Variants in ANO1 observed in about 807,000 individuals in gnomAD.
ANO1 encodes the protein anoctamin-1.
In ANO1, 59 loss-of-function variants were observed where a neutral mutation model predicts 124.0. That is an observed-to-expected ratio of 0.48 (90% CI 0.39 to 0.59). The LOEUF is 0.59. Ranked by LOEUF, ANO1 falls within the 20% of genes least tolerant of loss-of-function variation. The probability of loss-of-function intolerance (pLI) is 0.00; values close to 1 mark genes in which losing one functional copy is unlikely to be tolerated. For synonymous variants in ANO1, 529 were observed against 532.0 expected (o/e 0.99, Z 0.08); for missense variants, 1,059 against 1,328.0 (o/e 0.80, Z 3.15).
At chr11:69,985,608 C>T (rs1203601935), upstream of ANO1, among the ~76,000 whole-genome samples, 1 of 152,216 alleles carries the variant, frequency 6.6e-6, no homozygotes, top group African/African-American at 2.4e-5. Flanking sequence ...AGTCAACACC[C>T]CTTCCCTGGG....
the ANO1 span, among the ~76,000 whole-genome samples, chr11:69,966,873 G>A: frequency 2.0e-5 from 3 of 152,176 alleles, no homozygotes; most frequent in Non-Finnish European, 4.4e-5. Flanking sequence ...GTGAGTTGAT[G>A]CAAGCACCTT....
intron 1 of ANO1, among the ~76,000 whole-genome samples, chr11:70,080,728 A>G (rs1000932867): frequency 6.6e-6 from 1 of 152,212 alleles, no homozygotes; most frequent in Non-Finnish European, 1.5e-5. Context: ...GGTTCCACAC[A>G]ACACTTCCGT....
At chr11:70,164,022 C>T (rs2048157932) in intron 19 of ANO1, among the ~76,000 whole-genome samples, 1 of 150,756 alleles carries the variant, frequency 6.6e-6, no homozygotes, top group Admixed American at 6.6e-5. Flanking sequence ...AAATGCTTGT[C>T]TCTTTACCCT....
In ANO1 at chr11:69,998,933, A is replaced by G. The variant is rs148771843; in HGVS notation, c.58+12767A>G. Among the ~76,000 whole-genome samples the G allele has an allele frequency of 3.0e-3, 454 of 151,928 alleles. 1 individual carries two copies. The highest frequency in any genetic ancestry group is 5.3e-3 in the Non-Finnish European group (361 of 67,978). ...ATTGCACTGCAGCCTGGGCAACAAG[A>G]GCAAAACTCTGTTTGAAAGAATAAA... is the stretch of plus-strand genomic sequence containing the variant. On this transcript the variant is annotated intron_variant, in intron 1 of 27. Transcript: ENST00000531349.
At chr11:70,075,753 G>A (rs1217688849), upstream of ANO1, among the ~76,000 whole-genome samples, 1 of 152,216 alleles carries the variant, frequency 6.6e-6, no homozygotes, top group Non-Finnish European at 1.5e-5. Context: ...CCACGTATAA[G>A]CAGTTAGTGA....
intron 22 of ANO1, among the ~76,000 whole-genome samples, chr11:70,172,120 A>T (rs1358139324): frequency 4.4e-5 from 2 of 45,948 alleles, no homozygotes; most frequent in Non-Finnish European, 7.9e-5. Flanking sequence ...AACCTGTCTT[A>T]AAAAAAAAAA....
intron 2 of ANO1, among the ~76,000 whole-genome samples, chr11:70,098,131 C>A (rs78467058): frequency 0.1 from 15,534 of 152,274 alleles, 1,007 homozygotes; most frequent in African/African-American, 0.18. Flanking sequence ...ACAGCAGCCC[C>A]GCGTCCTCGT....
intron 1 of ANO1, among the ~76,000 whole-genome samples, chr11:70,070,756 T>C (rs1383789518): frequency 6.6e-6 from 1 of 152,204 alleles, no homozygotes; most frequent in African/African-American, 2.4e-5. Flanking sequence ...AGCAGGTGGA[T>C]GAGTGGACAA....
At chr11:70,096,678 T>C (rs996262102) in intron 2 of ANO1, among the ~76,000 whole-genome samples, 2 of 151,922 alleles carry the variant, frequency 1.3e-5, no homozygotes, top group African/African-American at 4.8e-5. Context: ...CTGGCCAACA[T>C]AGTGAAACCC....
intron 25 of ANO1, among the ~76,000 whole-genome samples, chr11:70,185,963 G>A (rs1311373731): frequency 3.9e-5 from 6 of 152,150 alleles, no homozygotes; most frequent in Admixed American, 3.9e-4. Flanking sequence ...ACTCGCTGGT[G>A]GGTTTAATCC....
intron 1 of ANO1, among the ~76,000 whole-genome samples, chr11:70,017,496 T>C (rs1591036887): frequency 7.5e-6 from 1 of 134,006 alleles, no homozygotes; most frequent in African/African-American, 2.8e-5. Context: ...CCTCCTTTAC[T>C]TCCCTCCCTC....
chr11:70,074,660 T>A (rs1206098727), upstream of ANO1, among the ~76,000 whole-genome samples: 3 of 152,170 alleles, frequency 2.0e-5, no homozygotes, highest in Non-Finnish European at 4.4e-5. Flanking sequence ...GCAGTGGTGC[T>A]CAACTGGGGC....
chr11:70,138,032 ACTT>A (rs1422806782), intron 11 of ANO1, among the ~76,000 whole-genome samples: 1 of 147,458 alleles, frequency 6.8e-6, no homozygotes, highest in Non-Finnish European at 1.5e-5. Context: ...CCATTCAGTG[ACTT>A]CTTCTCCTTC....
chr11:70,028,294 C>G (rs984078880), intron 1 of ANO1, among the ~76,000 whole-genome samples: 1 of 152,172 alleles, frequency 6.6e-6, no homozygotes, highest in Non-Finnish European at 1.5e-5. Flanking sequence ...CTCCACCAGG[C>G]GCCTTTCTCT....
intron 5 of ANO1, among the ~76,000 whole-genome samples, chr11:70,106,463 A>G (rs899183938): frequency 3.9e-5 from 6 of 152,134 alleles, no homozygotes; most frequent in Admixed American, 6.5e-5. Flanking sequence ...CTGGGAGGAG[A>G]CAGTCAGGGT....
At chr11:70,156,012 C>T (rs1055380836) in intron 15 of ANO1, 24 bp downstream of exon 15, 37 of 1,495,692 alleles carry the variant, frequency 2.5e-5, no homozygotes, top group Admixed American at 2.1e-4. Flanking sequence ...TTGCGGGCAG[C>T]GCGCGTCTTG....
intron 1 of ANO1, among the ~76,000 whole-genome samples, chr11:70,047,080 CAAAAA>C (rs10660510): frequency 1.4e-5 from 1 of 73,900 alleles, no homozygotes; most frequent in African/African-American, 4.1e-5. Context: ...GACTCTGTCT[CAAAAA>C]AAAAAAAAAA....
At chr11:70,010,631 C>A (rs1856585026) in intron 1 of ANO1, among the ~76,000 whole-genome samples, 1 of 152,102 alleles carries the variant, frequency 6.6e-6, no homozygotes. Flanking sequence ...GCAGAGAGGC[C>A]TGGGGCATCA....
chr11:70,071,525 T>C (rs974540190), intron 1 of ANO1, among the ~76,000 whole-genome samples: 1 of 152,248 alleles, frequency 6.6e-6, no homozygotes, highest in Admixed American at 6.5e-5. Context: ...AAACGTGGCT[T>C]TTCTGAAATA....
Sources: allele counts gnomAD v4.1 joint callset (sites outside exome capture counted in the v4.1 genomes callset), GRCh38; gene constraint gnomAD v4.1.1; transcripts MANE v1.5; gene names NCBI Gene and HGNC (gene_info 2026-07-23, HGNC 2026-07-21).